Variants in LGI2 observed in about 807,000 individuals in gnomAD.
The protein encoded by LGI2 is leucine-rich repeat LGI family member 2.
A neutral mutation model predicts 52.0 loss-of-function variants in LGI2; 30 were observed. The ratio of observed to expected loss-of-function variants is 0.58; its 90% CI spans 0.43 to 0.78. LGI2 has a LOEUF of 0.78. Among genes scored for constraint, LGI2 ranks in the 30% least tolerant of loss-of-function variants. The pLI is 0.00. For missense variants in LGI2, 573 were observed against 692.5 expected (o/e 0.83, Z 1.94); for synonymous variants, 270 against 271.8 (o/e 0.99, Z 0.06).
rs1250668493 is a variant in LGI2 at position 25,000,626 on chromosome 4, G to C, written c.*2825C>G. 1 of 152,202 alleles carries C rather than the reference G, an allele frequency of 6.6e-6. No homozygotes were observed. Among genetic ancestry groups the C allele is most frequent in the Non-Finnish European group, 1.5e-5 (1 of 68,058 alleles). The allele number at this position is 152,202 out of a possible 1,614,324, so 9.4% of individuals were successfully genotyped here. A position where few individuals can be genotyped will look rare whatever the true frequency, so the allele number is the denominator to read the frequency against. ...TAAGGAAAGGCCTTAAAGCCACATG[G>C]CCGCACAGAGGGATCAGTCCAGGAG... On this transcript the variant is annotated 3_prime_UTR_variant, in exon 8 of 8. Coordinates refer to ENST00000382114, the MANE Select transcript of LGI2 (RefSeq NM_018176.4).
chr4:25,015,160 T>C (rs1725720581), intron 6 of LGI2, among the ~76,000 whole-genome samples: 1 of 152,248 alleles, frequency 6.6e-6, no homozygotes, highest in Non-Finnish European at 1.5e-5. Flanking sequence ...AATCAACAGA[T>C]TTTTACATAG....
At chr4:25,021,845 C>T (rs1315576694) in intron 4 of LGI2, among the ~76,000 whole-genome samples, 16 of 150,266 alleles carry the variant, frequency 1.1e-4, no homozygotes, top group South Asian at 6.4e-4. Flanking sequence ...GCAGGAGAAT[C>T]GCTTGAACTC....
In LGI2 at chr4:25,003,530, C is replaced by A. The variant is rs138599147; in HGVS notation, c.1559G>T (p.Arg520Met). 1.2e-6 allele frequency: 2 copies of A among 1,611,522 alleles called. No homozygotes were observed. The highest frequency in any genetic ancestry group is 2.7e-5 in the African/African-American group (2 of 74,594). ...ACTGGATGCAAAAAAGAAATCTCTC[C>A]TGTCGGTGGAGACAGCTGTGAATGA... ...PRSFTAVSTD[R>M]RDFFFASSFK... Residue 520 changes from arginine to methionine, a missense_variant, in exon 8 of 8, where the codon AGG becomes ATG. Transcript: ENST00000382114.
At position 25,003,716 on chromosome 4, in the gene LGI2, G is replaced by C; in HGVS notation, c.1373C>G (p.Ala458Gly). ...WNSKQFVEIQALPSRGAMTLQ... is the reference protein window; with the variant it reads ...WNSKQFVEIQGLPSRGAMTLQ... ...GGTCATGGCCCCCCGGGATGGAAGA[G>C]CTTGGATCTCCACAAACTGCTTACT... The change falls in exon 8 of 8, where the codon GCT (alanine) becomes GGT (glycine). Residue 458 changes from alanine (A) to glycine (G), a missense_variant. Ala to Gly is a moderately conservative substitution (Grantham distance 60). Transcript: ENST00000382114. 6.2e-7 allele frequency: 1 copy of C among 1,614,208 alleles called. No individual in the cohort carries two copies. The highest frequency in any genetic ancestry group is 1.7e-5 in the Admixed American group (1 of 60,026).
chr4:25,019,474 C>G (rs1333556477), intron 4 of LGI2, among the ~76,000 whole-genome samples: 10 of 151,996 alleles, frequency 6.6e-5, no homozygotes, highest in Non-Finnish European at 4.4e-5. Context: ...TTTGCTCAAC[C>G]TCAGATGGCT....
Position 25,019,152 on chromosome 4 carries a change from A to AATTTC in LGI2, c.485+10_485+14dup. Reference sequence around the variant, plus strand: ...CACAATGACAAACACACATAAACTAAATTTCATTACTTACAGTTCAATCAG... The same window carrying AATTTC: ...CACAATGACAAACACACATAAACTAAATTTCATTTCATTACTTACAGTTCAATCAG... On this transcript the variant is annotated intron_variant, in intron 5 of 7. Coordinates refer to ENST00000382114, the MANE Select transcript of LGI2 (RefSeq NM_018176.4). The AATTTC allele has an allele frequency of 1.3e-6, 2 of 1,526,270 alleles. No individual in the cohort carries two copies. The highest frequency in any genetic ancestry group is 1.8e-6 in the Non-Finnish European group (2 of 1,101,994). The allele number at this position is 1,526,270 out of a possible 1,614,324, so 94.5% of individuals were successfully genotyped here. A position where few individuals can be genotyped will look rare whatever the true frequency, so the allele number is the denominator to read the frequency against.
intron 7 of LGI2, among the ~76,000 whole-genome samples, chr4:25,006,624 A>G (rs1725399288): frequency 6.6e-6 from 1 of 152,220 alleles, no homozygotes. Flanking sequence ...CAAATTTTGA[A>G]AATACTAAGA....
At chr4:24,992,514 G>A in the LGI2 span, among the ~76,000 whole-genome samples, 27 of 151,560 alleles carry the variant, frequency 1.8e-4, 1 homozygote, top group African/African-American at 5.8e-4. Flanking sequence ...AGGAGTTTGA[G>A]ACCAGCCTGG....
At chr4:24,993,420 T>C in the LGI2 span, among the ~76,000 whole-genome samples, 1 of 152,214 alleles carries the variant, frequency 6.6e-6, no homozygotes, top group Non-Finnish European at 1.5e-5. Flanking sequence ...TATGTAACAC[T>C]CTGCCTGGTG....
At chr4:25,016,337 G>C (rs1225413008) in intron 6 of LGI2, among the ~76,000 whole-genome samples, 2 of 152,242 alleles carry the variant, frequency 1.3e-5, no homozygotes, top group Non-Finnish European at 2.9e-5. Context: ...GGTGTTTCGA[G>C]ACCTCTGCAG....
chr4:25,029,022 C>G (rs771466349), intron 1 of LGI2, among the ~76,000 whole-genome samples: 5 of 152,196 alleles, frequency 3.3e-5, no homozygotes, highest in African/African-American at 1.2e-4. Flanking sequence ...CAGAGCACTC[C>G]TGATTAAATG....
rs1051815180 is a variant in LGI2 at position 24,999,562 on chromosome 4, C to T, written c.*3889G>A. On this transcript the variant is annotated 3_prime_UTR_variant, in exon 8 of 8. Transcript: ENST00000382114. ...ATTAAAGAACTTCCTTCCGCAGCTG[C>T]GAAGGAGAGGCTGATACCTCTGCAG... 1.7e-5 allele frequency: 4 copies of T among 239,926 alleles called. No homozygotes were observed. Among genetic ancestry groups the T allele is most frequent in the Admixed American group, 5.4e-5 (1 of 18,524 alleles). The allele number at this position is 239,926 out of a possible 1,614,324, so 14.9% of individuals were successfully genotyped here.
chr4:25,012,193 G>A (rs1291716138), intron 7 of LGI2, 142 bp downstream of exon 7: 12 of 868,384 alleles, frequency 1.4e-5, no homozygotes. Flanking sequence ...GAGAGACCCA[G>A]AGGGAAGGCT....
intron 1 of LGI2, 104 bp from the exon 2 acceptor site, chr4:25,028,682 T>C (rs1216929231): frequency 2.1e-6 from 2 of 952,830 alleles, no homozygotes. Context: ...AAACCCTGAC[T>C]CTCAGGAGTG....
In LGI2 at chr4:25,019,353, T is replaced by G. The variant is rs1459896764; in HGVS notation, c.414-115A>C. ...ACGGCTTTGGTCATCAATACTGAGA[T>G]AGAGAAATGAGCTTAGTTATGCAAA... On this transcript the variant is annotated intron_variant, in intron 4 of 7. Coordinates refer to ENST00000382114, the MANE Select transcript of LGI2 (RefSeq NM_018176.4). 4.6e-6 allele frequency: 3 copies of G among 655,962 alleles called. No homozygotes were observed. In the East Asian group the frequency reaches 8.3e-5, roughly 18 times the overall value. 40.6% of individuals were successfully genotyped at this position (655,962 alleles called of 1,614,324 possible). A position where few individuals can be genotyped will look rare whatever the true frequency, so the allele number is the denominator to read the frequency against.
intron 3 of LGI2, 132 bp from the exon 4 acceptor site, chr4:25,025,023 T>C (rs1726099517): frequency 3.3e-6 from 2 of 610,304 alleles, no homozygotes; most frequent in South Asian, 5.0e-5. Flanking sequence ...GAAGACTAGG[T>C]CAGCTACACC....
downstream of LGI2, among the ~76,000 whole-genome samples, chr4:24,996,940 G>A (rs1348545747): frequency 6.6e-6 from 1 of 152,222 alleles, no homozygotes; most frequent in African/African-American, 2.4e-5. Flanking sequence ...AGGTGCTGGA[G>A]ATTCTGGGGT....
the LGI2 span, among the ~76,000 whole-genome samples, chr4:24,993,324 T>A: frequency 6.6e-6 from 1 of 152,156 alleles, no homozygotes; most frequent in African/African-American, 2.4e-5. Flanking sequence ...GCTCTCAACC[T>A]CTTTGTGCCT....
intron 7 of LGI2, among the ~76,000 whole-genome samples, chr4:25,008,043 G>T (rs1725448982): frequency 6.6e-6 from 1 of 152,182 alleles, no homozygotes; most frequent in Non-Finnish European, 1.5e-5. Context: ...CCTCATGCCA[G>T]GCTCAATGCC....
Sources: allele counts gnomAD v4.1 joint callset (sites outside exome capture counted in the v4.1 genomes callset), GRCh38; gene constraint gnomAD v4.1.1; transcripts MANE v1.5; gene names NCBI Gene and HGNC (gene_info 2026-07-23, HGNC 2026-07-21).